Variants in DAB1 observed in about 807,000 individuals in gnomAD.
DAB1 encodes the protein disabled homolog 1.
A neutral mutation model predicts 64.6 loss-of-function variants in DAB1; 15 were observed. The observed-to-expected ratio is 0.23, with a 90% CI of 0.16 to 0.36. The LOEUF (loss-of-function observed/expected upper bound fraction) is 0.36. DAB1 is among the 10% of genes least tolerant of loss of function. The probability of loss-of-function intolerance (pLI) is 1.00; values close to 1 mark genes in which losing one functional copy is unlikely to be tolerated. For missense variants in DAB1, 596 were observed against 706.7 expected (o/e 0.84, Z 1.78); for synonymous variants, 235 against 251.9 (o/e 0.93, Z 0.64).
At chr1:57,288,042 T>C (rs1261024246) in intron 2 of DAB1, among the ~76,000 whole-genome samples, 1 of 152,108 alleles carries the variant, frequency 6.6e-6, no homozygotes, top group East Asian at 1.9e-4. Context: ...GTGTTCTGCC[T>C]GCCTCAGCCT....
At chr1:58,078,784 C>G (rs1379215666) in intron 5 of DAB1, among the ~76,000 whole-genome samples, 1 of 152,098 alleles carries the variant, frequency 6.6e-6, no homozygotes, top group Non-Finnish European at 1.5e-5. Flanking sequence ...CATTAGAGGG[C>G]ATTAAACACA....
chr1:57,966,952 TG>T (rs752731027), intron 5 of DAB1, among the ~76,000 whole-genome samples: 3 of 152,240 alleles, frequency 2.0e-5, no homozygotes, highest in Non-Finnish European at 2.9e-5. Context: ...TTTACACTAC[TG>T]GTTTTTAGTT....
chr1:58,544,617 G>A (rs757503170), intron 1 of DAB1, among the ~76,000 whole-genome samples: 2 of 152,044 alleles, frequency 1.3e-5, no homozygotes, highest in African/African-American at 4.8e-5. Context: ...TTCGAGACAG[G>A]GTCTCACTTT....
intron 9 of DAB1, among the ~76,000 whole-genome samples, chr1:57,042,952 T>C (rs1647985281): frequency 6.6e-6 from 1 of 152,028 alleles, no homozygotes; most frequent in South Asian, 2.1e-4. Flanking sequence ...TTTGGCCAAA[T>C]GGGGCTTTAC....
At chr1:57,664,357 G>C (rs771652834) in intron 6 of DAB1, among the ~76,000 whole-genome samples, 11 of 152,124 alleles carry the variant, frequency 7.2e-5, no homozygotes, top group Non-Finnish European at 1.2e-4. Flanking sequence ...TCTTAGATTT[G>C]TAAATTGTGA....
chr1:57,906,003 G>T (rs1248910657), intron 5 of DAB1, among the ~76,000 whole-genome samples: 1 of 152,136 alleles, frequency 6.6e-6, no homozygotes, highest in Non-Finnish European at 1.5e-5. Context: ...CATCTCGACT[G>T]GGGCACAATA....
In DAB1 at chr1:58,027,268, T is replaced by C. The variant is rs1238944416; in HGVS notation, n.387+123243A>G. Among the ~76,000 whole-genome samples, 4 of 152,218 alleles carry C rather than the reference T, an allele frequency of 2.6e-5. No individual in the cohort carries two copies. In the East Asian group the frequency reaches 7.7e-4, roughly 29 times the overall value. ...ATGTATATAGAGACAGGGTCTCACT[T>C]TATTGACCAGGCTGGTCTCAAACTC... On this transcript the variant is annotated intron_variant and non_coding_transcript_variant, in intron 5 of 20. Coordinates refer to the DAB1 transcript ENST00000485760.
intron 1 of DAB1, among the ~76,000 whole-genome samples, chr1:58,543,349 T>A (rs1646651111): frequency 6.6e-6 from 1 of 152,230 alleles, no homozygotes; most frequent in Non-Finnish European, 1.5e-5. Context: ...AATTTACCAA[T>A]TTTCAACATT....
At chr1:57,255,026 A>G (rs748281861) in intron 2 of DAB1, among the ~76,000 whole-genome samples, 1 of 152,178 alleles carries the variant, frequency 6.6e-6, no homozygotes, top group Non-Finnish European at 1.5e-5. Flanking sequence ...TTAGTGTTGA[A>G]TCCCCAACAT....
intron 3 of DAB1, among the ~76,000 whole-genome samples, chr1:58,478,551 A>G (rs1336809811): frequency 6.6e-6 from 1 of 152,158 alleles, no homozygotes; most frequent in Non-Finnish European, 1.5e-5. Context: ...GAGAGTTTGC[A>G]TGACTTGTCC....
intron 5 of DAB1, chr1:58,048,552 C>T (rs1479939215): frequency 1.8e-6 from 2 of 1,108,480 alleles, no homozygotes; most frequent in African/African-American, 3.1e-5. Context: ...CCATAATTGC[C>T]AAACCCATTA....
At chr1:57,662,939 T>C (rs563055688) in intron 6 of DAB1, among the ~76,000 whole-genome samples, 52 of 152,364 alleles carry the variant, frequency 3.4e-4, no homozygotes, top group African/African-American at 1.1e-3. Flanking sequence ...CCATGTTTGA[T>C]ACTGAATTCA....
intron 9 of DAB1, among the ~76,000 whole-genome samples, chr1:57,034,012 T>C (rs560877124): frequency 6.6e-6 from 1 of 152,312 alleles, no homozygotes; most frequent in Non-Finnish European, 1.5e-5. Context: ...CCGGGCGCGG[T>C]GGCTCACGCC....
At chr1:58,453,698 G>T (rs1389077707) in intron 3 of DAB1, among the ~76,000 whole-genome samples, 1 of 152,204 alleles carries the variant, frequency 6.6e-6, no homozygotes, top group African/African-American at 2.4e-5. Flanking sequence ...CTCTCCAAGG[G>T]CTGCAGCTAC....
chr1:57,948,379 G>A (rs1467810163), intron 5 of DAB1, among the ~76,000 whole-genome samples: 2 of 152,156 alleles, frequency 1.3e-5, no homozygotes, highest in Non-Finnish European at 2.9e-5. Context: ...TTTAAAAAAT[G>A]TCTATAGTAT....
At chr1:57,929,596 C>A (rs927855519) in intron 5 of DAB1, among the ~76,000 whole-genome samples, 1 of 152,134 alleles carries the variant, frequency 6.6e-6, no homozygotes, top group Admixed American at 6.5e-5. Context: ...AAAGGAATAT[C>A]TGAGTCTGGG....
chr1:58,053,626 T>C (rs1261703765), intron 5 of DAB1, among the ~76,000 whole-genome samples: 2 of 152,066 alleles, frequency 1.3e-5, no homozygotes, highest in South Asian at 4.2e-4. Context: ...ATCTAAACCA[T>C]AGCAGATGGT....
At chr1:57,308,963 A>G (rs1021700336) in intron 1 of DAB1, among the ~76,000 whole-genome samples, 1 of 152,204 alleles carries the variant, frequency 6.6e-6, no homozygotes, top group African/African-American at 2.4e-5. Flanking sequence ...TTGTCCAACC[A>G]GCACCCTGAC....
chr1:57,208,657 C>A (rs554219146), intron 2 of DAB1, among the ~76,000 whole-genome samples: 7 of 152,176 alleles, frequency 4.6e-5, no homozygotes, highest in Non-Finnish European at 1.0e-4. Flanking sequence ...AATAATGAAT[C>A]CATTCTTCCT....
Sources: gnomAD v4.1 joint callset for allele counts (sites outside exome capture counted in the v4.1 genomes callset) on GRCh38, gnomAD v4.1.1 for gene constraint, MANE v1.5 for transcripts, NCBI Gene and HGNC (gene_info 2026-07-23, HGNC 2026-07-21) for gene names.